Variants in IMPG1 observed in about 807,000 individuals in gnomAD.
IMPG1 encodes the protein interphotoreceptor matrix proteoglycan of 150 kDa.
Under a neutral mutation model 92.0 loss-of-function variants are expected in IMPG1, and 85 were observed. The ratio of observed to expected loss-of-function variants is 0.92; its 90% CI spans 0.78 to 1.11. The LOEUF is 1.11. IMPG1 is among the 50% of genes least tolerant of loss of function. The probability of loss-of-function intolerance (pLI) is 0.00; values close to 1 mark genes in which losing one functional copy is unlikely to be tolerated. For synonymous variants in IMPG1, 367 were observed against 334.1 expected (o/e 1.10, Z -1.08); for missense variants, 1,022 against 956.0 (o/e 1.07, Z -0.91).
rs1783343902 is a variant in IMPG1, at chr6:76,018,763, G to C, written c.762C>G (p.Ser254=). ...NQKFKAELAD[S]QSPYYQELAG... ...CTAGCTCCTGGTAATATGGGGACTG[G>C]GAGTCAGCGAGCTCTGCCTTGAACT... Residue 254 remains serine, a synonymous_variant, in exon 7 of 17, where the codon TCC becomes TCG. Coordinates refer to ENST00000369950, the MANE Select transcript of IMPG1 (RefSeq NM_001563.4). 3 of 1,613,382 alleles carry C rather than the reference G, an allele frequency of 1.9e-6. No individual in the cohort carries two copies. The African/African-American group carries it at 4.0e-5, about 22-fold the overall frequency.
chr6:75,951,222 CA>C, intron 12 of IMPG1, 128 bp from the exon 13 acceptor site: 2 of 646,934 alleles, frequency 3.1e-6, no homozygotes, highest in Non-Finnish European at 4.9e-6. Flanking sequence ...TTTCAATAGT[CA>C]TTTTTTTTTT....
chr6:76,013,064 G>A (rs1783217947), intron 7 of IMPG1, among the ~76,000 whole-genome samples: 1 of 152,108 alleles, frequency 6.6e-6, no homozygotes, highest in Non-Finnish European at 1.5e-5. Context: ...CTGCTGAAAT[G>A]GGTTTATGTG....
At chr6:75,935,694 G>C (rs1351218697) in intron 14 of IMPG1, among the ~76,000 whole-genome samples, 1 of 152,194 alleles carries the variant, frequency 6.6e-6, no homozygotes, top group East Asian at 1.9e-4. Context: ...GCACAGCCTG[G>C]GGGCCCGCCA....
intron 12 of IMPG1, among the ~76,000 whole-genome samples, chr6:75,962,488 C>T (rs1021097180): frequency 6.6e-6 from 1 of 151,996 alleles, no homozygotes; most frequent in African/African-American, 2.4e-5. Flanking sequence ...AATTTCTTAA[C>T]CTGACAAAAC....
chr6:75,947,918 A>T (rs1781955047), intron 13 of IMPG1, among the ~76,000 whole-genome samples: 1 of 152,192 alleles, frequency 6.6e-6, no homozygotes, highest in African/African-American at 2.4e-5. Flanking sequence ...GAGCAGACTG[A>T]CCTGTGTCTA....
Position 76,011,164 on chromosome 6 carries a change from A to C in IMPG1, c.866+2T>G. 1 of 1,460,644 alleles carries C rather than the reference A, an allele frequency of 6.8e-7. No individual in the cohort carries two copies. The highest frequency in any genetic ancestry group is 9.6e-7 in the Non-Finnish European group (1 of 1,043,964). 90.5% of individuals were successfully genotyped at this position (1,460,644 alleles called of 1,614,324 possible). On this transcript the variant is annotated splice_donor_variant, in intron 8 of 16. Transcript: ENST00000369950. LOFTEE classifies it high-confidence loss of function. The stretch of plus-strand genomic sequence containing the variant: ...TGAGAAGAGTTTGATTCTCTTACTT[A>C]CCTAAATCCTAACACATGGATTTTT...
chr6:75,926,061 T>C (rs538116354), intron 15 of IMPG1, among the ~76,000 whole-genome samples: 1 of 152,242 alleles, frequency 6.6e-6, no homozygotes, highest in South Asian at 2.1e-4. Context: ...TTTGTCCTGG[T>C]TGGGAGATTT....
chr6:75,932,214 A>G (rs938203197), intron 14 of IMPG1, among the ~76,000 whole-genome samples: 11 of 152,218 alleles, frequency 7.2e-5, no homozygotes, highest in Non-Finnish European at 1.2e-4. Flanking sequence ...CCCTTCGTGG[A>G]ATGTGTGAGA....
chr6:75,980,527 C>T (rs538448027), intron 12 of IMPG1, among the ~76,000 whole-genome samples: 11 of 152,316 alleles, frequency 7.2e-5, no homozygotes, highest in African/African-American at 2.6e-4. Flanking sequence ...CCAAAAACTG[C>T]CAGCGTGGCT....
chr6:76,030,335 TG>T (rs1783632485), intron 4 of IMPG1, among the ~76,000 whole-genome samples: 1 of 151,824 alleles, frequency 6.6e-6, no homozygotes, highest in Admixed American at 6.6e-5. Flanking sequence ...CTCTCTCTCA[TG>T]TATCTTGGGC....
At chr6:75,973,292 TC>T (rs60771106) in intron 12 of IMPG1, among the ~76,000 whole-genome samples, 5 of 150,906 alleles carry the variant, frequency 3.3e-5, no homozygotes, top group East Asian at 1.9e-4. Context: ...AATCCTACTT[TC>T]CCCCCCGCCC....
chr6:75,949,519 G>C (rs924901763), intron 13 of IMPG1, among the ~76,000 whole-genome samples: 1 of 152,172 alleles, frequency 6.6e-6, no homozygotes, highest in African/African-American at 2.4e-5. Flanking sequence ...AGCAGCCCTC[G>C]GGGCTGCTCT....
intron 4 of IMPG1, among the ~76,000 whole-genome samples, chr6:76,030,920 T>A (rs534522940): frequency 5.3e-5 from 8 of 152,122 alleles, no homozygotes; most frequent in Non-Finnish European, 1.2e-4. Flanking sequence ...TGGAAGTTCA[T>A]GACATTTGCA....
At chr6:75,969,583 A>G (rs1782367308) in intron 12 of IMPG1, among the ~76,000 whole-genome samples, 1 of 152,048 alleles carries the variant, frequency 6.6e-6, no homozygotes, top group Admixed American at 6.6e-5. Context: ...CTCTACTAAA[A>G]ATACAAAATT....
At position 75,950,804 on chromosome 6, in the gene IMPG1, G is replaced by C; in HGVS notation, c.1582C>G (p.Pro528Ala). 1 of 1,613,956 alleles carries C rather than the reference G, an allele frequency of 6.2e-7. No individual in the cohort carries two copies. Among genetic ancestry groups the C allele is most frequent in the East Asian group, 2.2e-5 (1 of 44,886 alleles). ...AGCTCTGGTACCTCAGATGGGGCAGGAGTGTCAGACAGATCCATTTCATCT... is the reference window on the plus strand; with the variant it reads ...AGCTCTGGTACCTCAGATGGGGCAGCAGTGTCAGACAGATCCATTTCATCT... ...HLDEMDLSDT[P>A]APSEVPELSE... The change falls in exon 13 of 17, where the codon CCT becomes GCT. Residue 528 changes from proline (P) to alanine (A), a missense_variant. By Grantham distance (27) the Pro-to-Ala change is conservative. Transcript: ENST00000369950.
intron 4 of IMPG1, among the ~76,000 whole-genome samples, chr6:76,033,526 A>C (rs1443817907): frequency 6.6e-6 from 1 of 152,258 alleles, no homozygotes; most frequent in Non-Finnish European, 1.5e-5. Context: ...AGAGGTTAGA[A>C]GCAAGGAAAT....
chr6:75,981,683 C>T (rs543911951), intron 12 of IMPG1, among the ~76,000 whole-genome samples: 176 of 152,192 alleles, frequency 1.2e-3, no homozygotes, highest in Non-Finnish European at 2.3e-3. Context: ...TCACTTCCTG[C>T]GTCAAAGCAT....
chr6:75,963,231 A>C (rs1024853060), intron 12 of IMPG1, among the ~76,000 whole-genome samples: 57 of 152,212 alleles, frequency 3.7e-4, no homozygotes, highest in African/African-American at 1.3e-3. Context: ...CTTTACCTAC[A>C]ATAATGGAAC....
chr6:76,042,010 C>T lies in IMPG1; in HGVS notation c.184G>A (p.Asp62Asn), dbSNP rs137915302. 7 of 1,613,286 alleles carry T rather than the reference C, an allele frequency of 4.3e-6. No homozygotes were observed. The African/African-American group carries it at 5.3e-5, about 12-fold the overall frequency. The change falls in exon 2 of 17, where the codon GAT becomes AAT. Residue 62 changes from aspartate to asparagine, a missense_variant. Physicochemically the swap from Asp to Asn is conservative, Grantham distance 23. Coordinates refer to ENST00000369950, the MANE Select transcript of IMPG1 (RefSeq NM_001563.4). ...YKMSTMRRIF[D>N]LAKHRTKRSA... ...CTTTTTGTTCGATGCTTTGCCAAATCGAATATTCGTCTCATAGTTGACATT... is the reference window on the plus strand; with the variant it reads ...CTTTTTGTTCGATGCTTTGCCAAATTGAATATTCGTCTCATAGTTGACATT...
Sources: allele counts gnomAD v4.1 joint callset (sites outside exome capture counted in the v4.1 genomes callset), GRCh38; gene constraint gnomAD v4.1.1; transcripts MANE v1.5; gene names NCBI Gene and HGNC (gene_info 2026-07-23, HGNC 2026-07-21).